The following GNG7 variants were observed in gnomAD, a reference collection of about 807,000 sequenced individuals.
GNG7 encodes the protein guanine nucleotide-binding protein G(I)/G(S)/G(O) subunit gamma-7.
In GNG7, 1 loss-of-function variant was observed where a neutral mutation model predicts 4.0. The observed-to-expected ratio is 0.25, with a 90% CI of 0.09 to 1.18. GNG7 has a LOEUF of 1.18. Ranked by LOEUF, GNG7 falls within the 50% of genes most tolerant of loss-of-function variation. The probability of loss-of-function intolerance (pLI) is 0.50; values close to 1 mark genes in which losing one functional copy is unlikely to be tolerated. For synonymous variants in GNG7, 34 were observed against 36.9 expected (o/e 0.92, Z 0.29); for missense variants, 86 against 91.9 (o/e 0.94, Z 0.26).
In GNG7 at chr19:2,512,525, C is replaced by T. The variant is rs1240757844; in HGVS notation, c.*2497G>A. The T allele has an allele frequency of 3.1e-5, 8 of 258,222 alleles. No homozygotes were observed. The highest frequency in any genetic ancestry group is 6.9e-5 in the African/African-American group (3 of 43,468). The allele number at this position is 258,222 out of a possible 1,614,324, so 16.0% of individuals were successfully genotyped here. ...GAGGCCAGCCTGTCCTTCCCCTCCC[C>T]GAGCCTCAGTTTACCTGGAACGCTC... On this transcript the variant is annotated 3_prime_UTR_variant, in exon 5 of 5. Coordinates refer to ENST00000382159, the MANE Select transcript of GNG7 (RefSeq NM_052847.3). This position sits in a 1 kb window ranked among gnomAD's most constrained non-coding sequence, Gnocchi z 4.7.
chr19:2,597,682 G>A (rs1981064368), intron 2 of GNG7, among the ~76,000 whole-genome samples: 1 of 151,398 alleles, frequency 6.6e-6, no homozygotes, highest in Admixed American at 6.6e-5. Context: ...GGATCACGAG[G>A]TCAGCAGATC....
chr19:2,532,157 A>AC (rs199814464), intron 3 of GNG7, among the ~76,000 whole-genome samples: 1,425 of 44,912 alleles, frequency 0.032, 18 homozygotes, highest in African/African-American at 0.18. Flanking sequence ...TCTCAAAAAA[A>AC]AAAACAAAAA....
chr19:2,593,299 C>CT (rs1410410487), intron 2 of GNG7, among the ~76,000 whole-genome samples: 1 of 151,494 alleles, frequency 6.6e-6, no homozygotes, highest in Admixed American at 6.6e-5. Flanking sequence ...TGGAAAATTC[C>CT]TTTTTTAAAA....
intron 2 of GNG7, among the ~76,000 whole-genome samples, chr19:2,622,128 G>A (rs1981890702): frequency 6.6e-6 from 1 of 151,546 alleles, no homozygotes. Flanking sequence ...CACCCAGGCT[G>A]GAGTGCAGTG....
chr19:2,570,032 C>T (rs552334705), intron 2 of GNG7, among the ~76,000 whole-genome samples: 28 of 151,678 alleles, frequency 1.8e-4, no homozygotes, highest in African/African-American at 2.7e-4. Context: ...GCTGGGTGGG[C>T]GGCATTTGGG....
chr19:2,664,559 G>T (rs1983257147), intron 1 of GNG7, among the ~76,000 whole-genome samples: 2 of 152,094 alleles, frequency 1.3e-5, no homozygotes, highest in African/African-American at 4.8e-5. Context: ...TGTGAGCCGA[G>T]GTCAAGGAGG....
At chr19:2,575,061 T>C in intron 2 of GNG7, among the ~76,000 whole-genome samples, 1 of 151,364 alleles carries the variant, frequency 6.6e-6, no homozygotes, top group South Asian at 2.1e-4. Context: ...CTTTCTTTTT[T>C]CTTTTTCTTT....
At chr19:2,524,600 T>C (rs1199576230) in intron 3 of GNG7, among the ~76,000 whole-genome samples, 1 of 152,268 alleles carries the variant, frequency 6.6e-6, no homozygotes, top group African/African-American at 2.4e-5. Flanking sequence ...GTGTGCATCC[T>C]TGCATGTGTG....
intron 3 of GNG7, among the ~76,000 whole-genome samples, chr19:2,523,272 C>A (rs1453005836): frequency 6.6e-6 from 1 of 151,756 alleles, no homozygotes; most frequent in Non-Finnish European, 1.5e-5. Context: ...GGCAACACAG[C>A]CAGGCATGGT....
At chr19:2,621,944 C>T (rs1164189506) in intron 2 of GNG7, among the ~76,000 whole-genome samples, 1 of 152,268 alleles carries the variant, frequency 6.6e-6, no homozygotes, top group East Asian at 1.9e-4. Context: ...ATTGATACTT[C>T]CGGGTCTGTG....
intron 3 of GNG7, among the ~76,000 whole-genome samples, chr19:2,524,063 A>G (rs1012556388): frequency 2.0e-5 from 3 of 152,178 alleles, no homozygotes; most frequent in African/African-American, 7.2e-5. Context: ...AGTGCTAAAA[A>G]TACGTGCACG....
At chr19:2,681,430 G>T (rs1015126992) in intron 1 of GNG7, among the ~76,000 whole-genome samples, 1 of 152,128 alleles carries the variant, frequency 6.6e-6, no homozygotes, top group East Asian at 1.9e-4. Context: ...TGATCCGCCC[G>T]CCTCGGCCTC....
chr19:2,643,317 G>T (rs933793238), intron 2 of GNG7: 2 of 422,434 alleles, frequency 4.7e-6, no homozygotes, highest in Non-Finnish European at 9.3e-6. Flanking sequence ...AGACCTCCCC[G>T]GACTCTGCAC....
At chr19:2,567,386 G>T (rs935081590) in intron 2 of GNG7, among the ~76,000 whole-genome samples, 1 of 127,128 alleles carries the variant, frequency 7.9e-6, no homozygotes, top group Non-Finnish European at 1.6e-5. Flanking sequence ...AGGCTGGAGT[G>T]CCCGTGGTGC....
At chr19:2,585,891 G>A (rs5023766) in intron 2 of GNG7, among the ~76,000 whole-genome samples, 55,130 of 151,798 alleles carry the variant, frequency 0.36, 11,772 homozygotes, top group African/African-American at 0.58. Context: ...TAGTAGAGAC[G>A]GGGTTTCACC....
At chr19:2,535,752 C>T (rs774578118) in intron 3 of GNG7, among the ~76,000 whole-genome samples, 5 of 152,082 alleles carry the variant, frequency 3.3e-5, no homozygotes, top group East Asian at 3.8e-4. Context: ...TCCTAGAACA[C>T]GGTACACTCG....
chr19:2,666,436 G>A (rs138261918), intron 1 of GNG7, among the ~76,000 whole-genome samples: 1,554 of 152,290 alleles, frequency 0.01, 21 homozygotes, highest in African/African-American at 0.035. Flanking sequence ...GCCTCCCAAC[G>A]TCCTGGGATT....
chr19:2,517,479 C>G (rs879383583), intron 4 of GNG7, among the ~76,000 whole-genome samples: 3 of 152,192 alleles, frequency 2.0e-5, no homozygotes, highest in Non-Finnish European at 4.4e-5. Context: ...ATTCTCCCAC[C>G]TCAGCCTCCC....
intron 2 of GNG7, chr19:2,631,955 C>A (rs1180561748): frequency 6.6e-6 from 1 of 152,214 alleles, no homozygotes; most frequent in Admixed American, 6.5e-5. Context: ...CCAGCCAAGG[C>A]AGACTACAGC....
Sources: gnomAD v4.1 joint callset for allele counts (sites outside exome capture counted in the v4.1 genomes callset) on GRCh38, gnomAD v4.1.1 for gene constraint, Gnocchi (gnomAD v3.1) non-coding constraint, MANE v1.5 for transcripts, NCBI Gene and HGNC (gene_info 2026-07-23, HGNC 2026-07-21) for gene names.